OTUD7B: variants seen among roughly 807,000 people sequenced by gnomAD.
The protein encoded by OTUD7B is OTU domain-containing protein 7B.
In OTUD7B, 34 loss-of-function variants were observed where a neutral mutation model predicts 82.2. The ratio of observed to expected loss-of-function variants is 0.41; its 90% confidence interval spans 0.31 to 0.55. The LOEUF (loss-of-function observed/expected upper bound fraction) is 0.55. OTUD7B is among the 20% of genes least tolerant of loss of function. The pLI is 0.20. For synonymous variants in OTUD7B, 398 were observed against 402.7 expected, an observed-to-expected ratio of 0.99 and a Z score of 0.14; for missense variants, 944 against 1,062.1, an observed-to-expected ratio of 0.89 and a Z score of 1.55.
At chr1:150,002,952 T>C (rs1300305122) in intron 1 of OTUD7B, among the ~76,000 whole-genome samples, 2 of 152,106 alleles carry the variant, frequency 1.3e-5, no homozygotes, top group African/African-American at 2.4e-5. Flanking sequence ...TATACTGCAG[T>C]ATAAGATAAA....
chr1:150,037,002 C>T, the OTUD7B span, among the ~76,000 whole-genome samples: 1 of 152,152 alleles, frequency 6.6e-6, no homozygotes, highest in African/African-American at 2.4e-5. Flanking sequence ...TCTTTTACTG[C>T]TCCTATTCAT....
intron 4 of OTUD7B, among the ~76,000 whole-genome samples, chr1:149,966,726 A>T (rs1649539060): frequency 6.6e-6 from 1 of 152,180 alleles, no homozygotes; most frequent in Admixed American, 6.5e-5. Flanking sequence ...AAAAAAAATT[A>T]CAAATAGATG....
rs587642139 is a variant in OTUD7B, at chr1:150,003,573, C to T, written c.-67+6875G>A. Among the ~76,000 whole-genome samples, 4 of 152,322 alleles carry T rather than the reference C, an allele frequency of 2.6e-5. No individual in the cohort carries two copies. In the South Asian group the frequency reaches 8.3e-4, roughly 32 times the overall value. On this transcript the variant is annotated intron_variant, in intron 1 of 11. Transcript: ENST00000581312. ...TCCCTGCTGCATACTTCTATCACAG[C>T]ATCTATCACACTTCATTCTATCTAT...
intron 1 of OTUD7B, among the ~76,000 whole-genome samples, chr1:149,988,244 CAATT>C (rs1651293604): frequency 6.6e-6 from 1 of 151,890 alleles, no homozygotes; most frequent in African/African-American, 2.4e-5. Flanking sequence ...ACTCCCAAAA[CAATT>C]TATTTGTTTA....
intron 1 of OTUD7B, among the ~76,000 whole-genome samples, chr1:150,001,180 G>A (rs1326917804): frequency 6.6e-6 from 1 of 152,082 alleles, no homozygotes; most frequent in Non-Finnish European, 1.5e-5. Context: ...TAACAAATAT[G>A]ACAAAATGTT....
the OTUD7B span, among the ~76,000 whole-genome samples, chr1:150,032,463 C>CAA: frequency 5.5e-4 from 1 of 1,802 alleles, no homozygotes; most frequent in Non-Finnish European, 1.1e-3. Flanking sequence ...AACCTGTCTA[C>CAA]AGAAAAAAAA....
At chr1:150,013,939 T>A (rs868973960), upstream of OTUD7B, among the ~76,000 whole-genome samples, 80 of 99,930 alleles carry the variant, frequency 8.0e-4, 2 homozygotes, top group African/African-American at 1.4e-3. Flanking sequence ...AAAAAAATAA[T>A]ATATATATAC....
chr1:150,012,024 G>A (rs1246367244), upstream of OTUD7B, among the ~76,000 whole-genome samples: 1 of 152,238 alleles, frequency 6.6e-6, no homozygotes, highest in Admixed American at 6.5e-5. Context: ...GTCCACACAT[G>A]CTAAGGCCAA....
At chr1:149,950,066 T>C in intron 8 of OTUD7B, 28 bp downstream of exon 8, 1 of 1,612,778 alleles carries the variant, frequency 6.2e-7, no homozygotes, top group Non-Finnish European at 8.5e-7. Context: ...GTGCTCAGCA[T>C]GGAGTGAGGA....
At chr1:150,003,066 T>C (rs1571734288) in intron 1 of OTUD7B, among the ~76,000 whole-genome samples, 2 of 151,932 alleles carry the variant, frequency 1.3e-5, no homozygotes, top group African/African-American at 2.4e-5. Context: ...CTGGCTAACA[T>C]GGTGAAACCC....
chr1:150,054,974 G>T, the OTUD7B span: 1 of 329,956 alleles, frequency 3.0e-6, no homozygotes. Context: ...CAGCTCCAGG[G>T]CTACCTCTGA....
Position 149,944,462 on chromosome 1 carries a change from G to C in OTUD7B, c.1927C>G (p.Gln643Glu). Residue 643 changes from glutamine to glutamate, a missense_variant, in exon 12 of 12, where the codon CAG (glutamine) becomes GAG (glutamate). Coordinates refer to ENST00000581312, the MANE Select transcript of OTUD7B (RefSeq NM_020205.4). ...SDAEERFLAEQKQKEAERKIM... is the reference protein window; with the variant it reads ...SDAEERFLAEEKQKEAERKIM... ...TTCCTCTCTGCCTCCTTCTGCTTCT[G>C]TTCTGCCAGGAATCTCTCCTCAGCA... is the stretch of plus-strand genomic sequence containing the variant. The C allele has an allele frequency of 1.2e-6, 2 of 1,614,072 alleles. No homozygotes were observed.
chr1:149,986,135 G>T lies in OTUD7B; in HGVS notation c.-66-8559C>A, dbSNP rs587602623. Among the ~76,000 whole-genome samples, 16 of 152,098 alleles carry T rather than the reference G, an allele frequency of 1.1e-4. No individual in the cohort carries two copies. The South Asian group carries it at 3.1e-3, about 30-fold the overall frequency. Reference sequence around the variant, plus strand: ...CTCCCCACTAAACCAGGAACAATTTGAGGGCAGGAATCTTGGCTTGTTCAT... The same window carrying T: ...CTCCCCACTAAACCAGGAACAATTTTAGGGCAGGAATCTTGGCTTGTTCAT... On this transcript the variant is annotated intron_variant, in intron 1 of 11. Transcript: ENST00000581312.
At chr1:150,001,086 T>C (rs1020101787) in intron 1 of OTUD7B, among the ~76,000 whole-genome samples, 10 of 152,142 alleles carry the variant, frequency 6.6e-5, no homozygotes, top group African/African-American at 2.4e-4. Context: ...AGTCATTTCT[T>C]GAGAAAGAGG....
At chr1:149,990,648 T>C (rs1454058734) in intron 1 of OTUD7B, among the ~76,000 whole-genome samples, 2 of 152,214 alleles carry the variant, frequency 1.3e-5, no homozygotes, top group African/African-American at 2.4e-5. Flanking sequence ...TAAATACTTT[T>C]TGAGGTTTTT....
At chr1:150,019,357 T>TTTTG in the OTUD7B span, among the ~76,000 whole-genome samples, 2,277 of 151,902 alleles carry the variant, frequency 0.015, 49 homozygotes, top group African/African-American at 0.048. Flanking sequence ...ATTGTCTTTG[T>TTTTG]TTTGTTTGTT....
At chr1:149,988,119 C>A (rs587722620) in intron 1 of OTUD7B, among the ~76,000 whole-genome samples, 28 of 152,144 alleles carry the variant, frequency 1.8e-4, no homozygotes, top group African/African-American at 6.3e-4. Context: ...ACTCACCCTG[C>A]ATACTTCTGG....
In OTUD7B at chr1:149,944,394, T is replaced by G; in HGVS notation, c.1995A>C (p.Lys665Asn). 1.9e-6 allele frequency: 3 copies of G among 1,614,092 alleles called. No homozygotes were observed. The highest frequency in any genetic ancestry group is 2.5e-6 in the Non-Finnish European group (3 of 1,179,976). ...GGIGGGPPPA[K>N]KPEPDAREEQ... ...CTTCCCTAGCATCTGGCTCTGGCTT[T>G]TTGGCTGGAGGAGGGCCACCCCCTA... The change falls in exon 12 of 12, where the codon AAA (lysine) becomes AAC (asparagine). Residue 665 changes from lysine (K) to asparagine (N), a missense_variant. Physicochemically the swap from Lys to Asn is moderately conservative, Grantham distance 94. Coordinates refer to ENST00000581312, the MANE Select transcript of OTUD7B (RefSeq NM_020205.4).
the OTUD7B span, among the ~76,000 whole-genome samples, chr1:150,051,905 A>T: frequency 2.0e-5 from 3 of 152,238 alleles, no homozygotes; most frequent in Non-Finnish European, 2.9e-5. Flanking sequence ...AGTGATCTTG[A>T]TTAAATGCTT....
Sources: gnomAD v4.1 joint callset for allele counts (sites outside exome capture counted in the v4.1 genomes callset) on GRCh38, gnomAD v4.1.1 for gene constraint, MANE v1.5 for transcripts, NCBI Gene and HGNC (gene_info 2026-07-23, HGNC 2026-07-21) for gene names.